The following FANCB variants were observed in gnomAD, a reference collection of about 807,000 sequenced individuals.
FANCB encodes FA complementation group B.
A neutral mutation model predicts 38.9 loss-of-function variants in FANCB; 5 were observed. The observed-to-expected ratio is 0.13, with a 90% CI of 0.07 to 0.27. The LOEUF is 0.27. Ranked by LOEUF, FANCB falls within the 10% of genes least tolerant of loss-of-function variation. The pLI is 1.00. For synonymous variants in FANCB, 236 were observed against 215.4 expected, an observed-to-expected ratio of 1.10 and a Z score of -0.84; for missense variants, 573 against 602.7, an observed-to-expected ratio of 0.95 and a Z score of 0.52.
chrX:14,825,721 T>C, the FANCB span, among the ~76,000 whole-genome samples: 60 of 112,273 alleles, frequency 5.3e-4, no homozygotes, highest in Non-Finnish European at 9.9e-4. Flanking sequence ...TATTATTATA[T>C]TGTGTGCCAG....
chrX:14,811,962 G>A, the FANCB span, among the ~76,000 whole-genome samples: 4 of 111,739 alleles, frequency 3.6e-5, no homozygotes, highest in Admixed American at 2.9e-4. Flanking sequence ...ATAACAAACT[G>A]TCTCTTAGAC....
chrX:14,796,191 T>C, the FANCB span, among the ~76,000 whole-genome samples: 1 of 110,354 alleles, frequency 9.1e-6, no homozygotes, highest in Non-Finnish European at 1.9e-5. Flanking sequence ...GTCAGGAATT[T>C]AGAAGTAGCT....
chrX:14,775,386 T>C, the FANCB span, among the ~76,000 whole-genome samples: 1 of 111,217 alleles, frequency 9.0e-6, no homozygotes, highest in African/African-American at 3.3e-5. Flanking sequence ...TCAGAAGAAC[T>C]AGCTGAGCCA....
chrX:14,690,956 C>G, the FANCB span: 1 of 945,227 alleles, frequency 1.1e-6, no homozygotes, highest in Non-Finnish European at 1.5e-6. Flanking sequence ...AGCAAGAAGC[C>G]AAGGTTAATT....
At chrX:14,827,396 C>A in the FANCB span, among the ~76,000 whole-genome samples, 7 of 111,931 alleles carry the variant, frequency 6.3e-5, no homozygotes, top group Non-Finnish European at 1.3e-4. Flanking sequence ...TTTTTGAAAT[C>A]TTTTAGTATT....
the FANCB span, among the ~76,000 whole-genome samples, chrX:14,737,162 A>C: frequency 5.8e-4 from 65 of 111,472 alleles, no homozygotes; most frequent in Non-Finnish European, 1.0e-3. Context: ...ACAACAACAA[A>C]AAAAAGCCAA....
the FANCB span, among the ~76,000 whole-genome samples, chrX:14,772,670 T>C: frequency 1.8e-5 from 2 of 111,423 alleles, no homozygotes; most frequent in Non-Finnish European, 3.8e-5. Flanking sequence ...CCTAGTGATA[T>C]GTACAAATGG....
At chrX:14,807,546 GATT>G in the FANCB span, among the ~76,000 whole-genome samples, 5 of 111,835 alleles carry the variant, frequency 4.5e-5, no homozygotes, top group Non-Finnish European at 7.5e-5. Context: ...AGCATAAAAA[GATT>G]ATTTATTACT....
chrX:14,696,503 A>G, the FANCB span, among the ~76,000 whole-genome samples: 2 of 112,082 alleles, frequency 1.8e-5, no homozygotes, highest in African/African-American at 6.5e-5. Flanking sequence ...GATGGGGTCT[A>G]TTATCCATAT....
the FANCB span, among the ~76,000 whole-genome samples, chrX:14,811,644 C>G: frequency 4.5e-5 from 5 of 111,861 alleles, no homozygotes; most frequent in African/African-American, 1.3e-4. Context: ...ACACCCAATA[C>G]AGGAGCACCC....
chrX:14,746,908 G>A, the FANCB span, among the ~76,000 whole-genome samples: 1 of 111,652 alleles, frequency 9.0e-6, no homozygotes, highest in African/African-American at 3.3e-5. Flanking sequence ...AATTTACGAT[G>A]GGCCATTGTG....
At chrX:14,788,074 TC>T in the FANCB span, among the ~76,000 whole-genome samples, 1 of 107,121 alleles carries the variant, frequency 9.3e-6, no homozygotes, top group African/African-American at 3.4e-5. Context: ...CTAGGACAAG[TC>T]CCGGGGCTGG....
At chrX:14,759,353 T>C in the FANCB span, among the ~76,000 whole-genome samples, 3 of 111,321 alleles carry the variant, frequency 2.7e-5, no homozygotes, top group Admixed American at 9.5e-5. Flanking sequence ...GACATTCAAA[T>C]ACAAGAAGCT....
the FANCB span, among the ~76,000 whole-genome samples, chrX:14,725,765 A>ATAAG: frequency 8.9e-6 from 1 of 112,479 alleles, no homozygotes; most frequent in Admixed American, 9.4e-5. Context: ...AAATTTTACA[A>ATAAG]TAAGTAAAAC....
At chrX:14,758,927 C>A in the FANCB span, among the ~76,000 whole-genome samples, 1 of 111,070 alleles carries the variant, frequency 9.0e-6, no homozygotes, top group African/African-American at 3.3e-5. Context: ...TTAAGCTAAT[C>A]AAGGAGGCAC....
At chrX:14,740,280 C>G in the FANCB span, among the ~76,000 whole-genome samples, 1 of 111,044 alleles carries the variant, frequency 9.0e-6, no homozygotes, top group East Asian at 2.8e-4. Context: ...TAGACACAAA[C>G]CAGATAATGT....
the FANCB span, among the ~76,000 whole-genome samples, chrX:14,738,144 C>T: frequency 8.9e-6 from 1 of 112,237 alleles, no homozygotes; most frequent in African/African-American, 3.2e-5. Context: ...GGCAAGAGGA[C>T]TTCTTGACTT....
At chrX:14,776,935 A>G in the FANCB span, among the ~76,000 whole-genome samples, 1 of 111,457 alleles carries the variant, frequency 9.0e-6, no homozygotes, top group East Asian at 2.8e-4. Flanking sequence ...AGCTAGAGAG[A>G]AGGGTTGGAA....
intron 3 of FANCB, among the ~76,000 whole-genome samples, chrX:14,861,565 C>T (rs1381400605): frequency 1.8e-5 from 2 of 111,147 alleles, no homozygotes; most frequent in African/African-American, 6.6e-5. Flanking sequence ...ATCAAAGACC[C>T]ACCTTATTAT....
Sources: gnomAD v4.1 joint callset for allele counts (sites outside exome capture counted in the v4.1 genomes callset) on GRCh38, gnomAD v4.1.1 for gene constraint, MANE v1.5 for transcripts, NCBI Gene and HGNC (gene_info 2026-07-23, HGNC 2026-07-21) for gene names.